Variants in NKD1 observed in about 807,000 individuals in gnomAD.
NKD1 encodes protein naked cuticle homolog 1.
In NKD1, 21 loss-of-function variants were observed where a neutral mutation model predicts 56.0. The ratio of observed to expected loss-of-function variants is 0.38; its 90% CI spans 0.27 to 0.54. The LOEUF is 0.54. Ranked by LOEUF, NKD1 falls within the 20% of genes least tolerant of loss-of-function variation. The probability of loss-of-function intolerance (pLI) is 0.82; values close to 1 mark genes in which losing one functional copy is unlikely to be tolerated. For missense variants in NKD1, 578 were observed against 642.7 expected, an observed-to-expected ratio of 0.90 and a Z score of 1.09; for synonymous variants, 263 against 265.7, an observed-to-expected ratio of 0.99 and a Z score of 0.10.
rs563819855 is a variant in NKD1, at chr16:50,632,116, G to A, written c.696-165G>A. Among the ~76,000 whole-genome samples, 1 of 152,192 alleles carries A rather than the reference G, an allele frequency of 6.6e-6. No individual in the cohort carries two copies. The highest frequency in any genetic ancestry group is 1.5e-5 in the Non-Finnish European group (1 of 68,028). On this transcript the variant is annotated intron_variant, in intron 8 of 9. Transcript: ENST00000268459. This position sits in a 1 kb window ranked among gnomAD's most constrained non-coding sequence, Gnocchi z 4.1. The stretch of plus-strand genomic sequence containing the variant: ...CTCTCCATCGGCAAGGAGGGAAATG[G>A]AGGCACAGTTCGTATAGAGGACTGT...
chr16:50,563,938 A>G (rs1230358493), intron 3 of NKD1, among the ~76,000 whole-genome samples: 52 of 138,716 alleles, frequency 3.7e-4, no homozygotes, highest in South Asian at 1.2e-3. Context: ...GTCAGGCTAA[A>G]CTCCATCCTC....
intron 3 of NKD1, among the ~76,000 whole-genome samples, chr16:50,583,210 T>G (rs1238902155): frequency 2.0e-5 from 3 of 152,082 alleles, no homozygotes; most frequent in Admixed American, 6.5e-5. Context: ...ACAGAGGCAG[T>G]GGGAGGGATG....
At chr16:50,605,282 A>T (rs561209107) in intron 3 of NKD1, among the ~76,000 whole-genome samples, 1 of 152,280 alleles carries the variant, frequency 6.6e-6, no homozygotes, top group Non-Finnish European at 1.5e-5. Flanking sequence ...TGTCATTAGA[A>T]CTGTTTCTGG....
At chr16:50,605,797 T>A (rs1408714717) in intron 3 of NKD1, among the ~76,000 whole-genome samples, 1 of 152,220 alleles carries the variant, frequency 6.6e-6, no homozygotes, top group Non-Finnish European at 1.5e-5. Context: ...GGAATGACTA[T>A]AAAGTGCCTA....
intron 6 of NKD1, among the ~76,000 whole-genome samples, chr16:50,629,962 C>T (rs1962305743): frequency 6.6e-6 from 1 of 152,142 alleles, no homozygotes; most frequent in Admixed American, 6.5e-5. Context: ...CTGCCCTTTT[C>T]CTTTTCTCTT....
At chr16:50,571,862 A>G (rs1209798800) in intron 3 of NKD1, among the ~76,000 whole-genome samples, 2 of 152,126 alleles carry the variant, frequency 1.3e-5, no homozygotes, top group Non-Finnish European at 2.9e-5. Context: ...CAGTCCTTAG[A>G]GGAACATCTA....
chr16:50,584,254 G>T (rs1380319406), intron 3 of NKD1, among the ~76,000 whole-genome samples: 1 of 152,164 alleles, frequency 6.6e-6, no homozygotes, highest in Non-Finnish European at 1.5e-5. Context: ...GCAGGGACAG[G>T]GTCTGAGAGA....
In NKD1 at chr16:50,598,215, C is replaced by T. The variant is rs1438505612; in HGVS notation, c.193-10079C>T. ...TGGTTTCTCCAGGGCACTGCAGGGC[C>T]GCATGGGTGGACTCTGTGTGTGTGT... is the stretch of plus-strand genomic sequence containing the variant. On this transcript the variant is annotated intron_variant, in intron 3 of 9. Transcript: ENST00000268459. This position sits in a 1 kb window ranked among gnomAD's most constrained non-coding sequence, Gnocchi z 4.2. Among the ~76,000 whole-genome samples the T allele has an allele frequency of 1.4e-5, 2 of 147,354 alleles. No homozygotes were observed. Among genetic ancestry groups the T allele is most frequent in the Non-Finnish European group, 3.0e-5 (2 of 67,608 alleles).
At chr16:50,589,700 TTCTCTTCTCTTCTC>T (rs1961308296) in intron 3 of NKD1, among the ~76,000 whole-genome samples, 44 of 20,222 alleles carry the variant, frequency 2.2e-3, no homozygotes, top group Non-Finnish European at 3.8e-3. Flanking sequence ...TTCTTTTCTC[TTCTCTTCTCTTCTC>T]TTCTCTTCTC....
chr16:50,586,808 A>G (rs950519385), intron 3 of NKD1, among the ~76,000 whole-genome samples: 6 of 152,156 alleles, frequency 3.9e-5, no homozygotes, highest in African/African-American at 1.4e-4. Flanking sequence ...CACTCCCTTG[A>G]TTGTCCTTTG....
chr16:50,631,044 T>C, intron 8 of NKD1, 134 bp downstream of exon 8: 1 of 590,312 alleles, frequency 1.7e-6, no homozygotes, highest in East Asian at 3.1e-5. Context: ...CACAGACTCA[T>C]AAATCAAATG....
chr16:50,568,547 G>A (rs1960813721), intron 3 of NKD1, among the ~76,000 whole-genome samples: 1 of 152,194 alleles, frequency 6.6e-6, no homozygotes, highest in African/African-American at 2.4e-5. Context: ...TGTCTATGGT[G>A]ATCGTTGGCA....
At chr16:50,557,192 G>A (rs1488659345) in intron 3 of NKD1, 2 of 152,204 alleles carry the variant, frequency 1.3e-5, no homozygotes, top group South Asian at 2.1e-4. Context: ...TAAACAAGTT[G>A]TGCAATTTAA....
chr16:50,559,239 G>A (rs1163929385), intron 3 of NKD1, among the ~76,000 whole-genome samples: 1 of 152,198 alleles, frequency 6.6e-6, no homozygotes, highest in Non-Finnish European at 1.5e-5. Context: ...CAGCTTGCCA[G>A]TGTTGTTTGC....
chr16:50,570,074 CT>C (rs879668581), intron 3 of NKD1, among the ~76,000 whole-genome samples: 1 of 151,968 alleles, frequency 6.6e-6, no homozygotes, highest in African/African-American at 2.4e-5. Flanking sequence ...AGTATGTCAA[CT>C]TTTTTTTATT....
At chr16:50,609,423 A>G (rs1202620482) in intron 4 of NKD1, among the ~76,000 whole-genome samples, 2 of 152,210 alleles carry the variant, frequency 1.3e-5, no homozygotes, top group African/African-American at 2.4e-5. Context: ...AAGAGTAAGG[A>G]AGGACCTCTC....
Position 50,589,761 on chromosome 16 carries a change from T to TCTCTTCTCTTCTCTC in NKD1, c.193-18529_193-18528insTCTCTTCTCTCCTCT, listed in dbSNP as rs1961318792. Among the ~76,000 whole-genome samples, 5 of 47,852 alleles carry TCTCTTCTCTTCTCTC rather than the reference T, an allele frequency of 1.0e-4. 2 individuals carry two copies. The highest frequency in any genetic ancestry group is 2.1e-4 in the Non-Finnish European group (5 of 23,972). 31.4% of individuals were successfully genotyped at this position (47,852 alleles called of 152,430 possible). A position where few individuals can be genotyped will look rare whatever the true frequency, so the allele number is the denominator to read the frequency against. ...TCTCTTCTCTTCTCTTCTCTTCTCT[T>TCTCTTCTCTTCTCTC]CTCTCCTCTCCTCTCCTCTCCTCTC... is the stretch of plus-strand genomic sequence containing the variant. On this transcript the variant is annotated intron_variant, in intron 3 of 9. Transcript: ENST00000268459.
intron 6 of NKD1, among the ~76,000 whole-genome samples, chr16:50,628,102 C>T (rs1296125520): frequency 1.3e-5 from 2 of 152,106 alleles, no homozygotes; most frequent in Non-Finnish European, 1.5e-5. Flanking sequence ...GAGCCTGGGT[C>T]TCAAACTTAT....
chr16:50,621,033 G>A (rs906781478), intron 4 of NKD1, among the ~76,000 whole-genome samples: 1 of 152,236 alleles, frequency 6.6e-6, no homozygotes, highest in Non-Finnish European at 1.5e-5. Context: ...GTCTGCATGT[G>A]CGTGTGTATG....
Sources: allele counts gnomAD v4.1 joint callset (sites outside exome capture counted in the v4.1 genomes callset), GRCh38; gene constraint gnomAD v4.1.1; non-coding constraint Gnocchi (gnomAD v3.1); transcripts MANE v1.5; gene names NCBI Gene and HGNC (gene_info 2026-07-23, HGNC 2026-07-21).